MMEL1: variants seen among roughly 807,000 people sequenced by gnomAD.
MMEL1 encodes membrane metallo-endopeptidase-like 1.
MMEL1 carries 98 observed loss-of-function variants against 117.1 expected under a neutral mutation model. That is an observed-to-expected ratio of 0.84 (90% confidence interval 0.71 to 0.99). The LOEUF is 0.99. Ranked by LOEUF, MMEL1 falls within the 50% of genes least tolerant of loss-of-function variation. The probability of loss-of-function intolerance (pLI) is 0.00; values close to 1 mark genes in which losing one functional copy is unlikely to be tolerated. For synonymous variants in MMEL1, 390 were observed against 415.1 expected (o/e 0.94, Z 0.74); for missense variants, 1,014 against 1,049.1 (o/e 0.97, Z 0.46).
chr1:2,598,578 C>G, intron 12 of MMEL1, 76 bp downstream of exon 12: 1 of 1,592,150 alleles, frequency 6.3e-7, no homozygotes, highest in Non-Finnish European at 8.6e-7. Flanking sequence ...CTCCTGGGAG[C>G]AGAAGCTGTG....
intron 12 of MMEL1, 134 bp from the exon 13 acceptor site, chr1:2,598,434 A>G (rs1475263050): frequency 1.7e-6 from 2 of 1,173,224 alleles, no homozygotes; most frequent in African/African-American, 1.5e-5. Context: ...CTCCAGGACA[A>G]CCACCTCCAA....
rs769691317 is a variant in MMEL1 at position 2,612,222 on chromosome 1, G to A, written c.155-18C>T. ...CTGCTTCCCTGGGGAGAAACACAGC[G>A]CTCAGCTGCGGCCTCCTGCCTGCAG... On this transcript the variant is annotated intron_variant, in intron 2 of 23. Coordinates refer to ENST00000378412, the MANE Select transcript of MMEL1 (RefSeq NM_033467.4). The surrounding 1 kb of genome is among the most constrained non-coding windows in gnomAD (Gnocchi z 5.4). The A allele has an allele frequency of 2.6e-5, 40 of 1,557,626 alleles. No individual in the cohort carries two copies. The East Asian group carries it at 6.3e-4, about 24-fold the overall frequency.
chr1:2,615,581 A>C (rs1241476758), intron 2 of MMEL1, among the ~76,000 whole-genome samples: 1 of 152,194 alleles, frequency 6.6e-6, no homozygotes, highest in Non-Finnish European at 1.5e-5. Context: ...AAAACGGGGA[A>C]ATGTGAATTG....
intron 2 of MMEL1, among the ~76,000 whole-genome samples, chr1:2,614,490 G>C (rs1324239266): frequency 6.6e-6 from 1 of 152,240 alleles, no homozygotes; most frequent in Non-Finnish European, 1.5e-5. Context: ...TACAGACAAG[G>C]AAAGGAGGAA....
rs1464614337 is a variant in MMEL1, at chr1:2,612,631, C to T, written c.155-427G>A. On this transcript the variant is annotated intron_variant, in intron 2 of 23. Coordinates refer to ENST00000378412, the MANE Select transcript of MMEL1 (RefSeq NM_033467.4). The surrounding 1 kb of genome is among the most constrained non-coding windows in gnomAD (Gnocchi z 5.4). ...CACAGGGCAGGCTCATTTAGAGGGA[C>T]AGGGCCTTTTCAGAGAGGGTGGCTT... 6.6e-6 allele frequency among the ~76,000 whole-genome samples: 1 copy of T among 152,160 alleles called. No homozygotes were observed. The highest frequency in any genetic ancestry group is 1.5e-5 in the Non-Finnish European group (1 of 68,024).
In MMEL1 at chr1:2,595,177, G is replaced by A. The variant is rs1570650907; in HGVS notation, c.1584+99C>T. The A allele has an allele frequency of 6.4e-6, 7 of 1,100,756 alleles. No homozygotes were observed. The highest frequency in any genetic ancestry group is 2.4e-5 in the East Asian group (1 of 41,456). The allele number at this position is 1,100,756 out of a possible 1,614,324, so 68.2% of individuals were successfully genotyped here. ...GGTGAGGACAGCTGTGTTAGCGCCTGGGAGGAGGGCACAGAGCTTGGCACA... is the reference window on the plus strand; with the variant it reads ...GGTGAGGACAGCTGTGTTAGCGCCTAGGAGGAGGGCACAGAGCTTGGCACA... On this transcript the variant is annotated intron_variant, in intron 16 of 23. Transcript: ENST00000378412. The surrounding 1 kb of genome is among the most constrained non-coding windows in gnomAD (Gnocchi z 4.8).
rs369116437 is a variant in MMEL1, at chr1:2,596,645, A to G, written c.1317T>C (p.Cys439=). 5 of 1,613,068 alleles carry G rather than the reference A, an allele frequency of 3.1e-6. No homozygotes were observed. The highest frequency in any genetic ancestry group is 3.4e-6 in the Non-Finnish European group (4 of 1,179,852). ...TMVEEVRWRE[C]VGYVNSNMEN... is the part of the protein sequence containing the mutation. ...CCATGTTGCTGTTGACGTAGCCCAC[A>G]CATTCACGCCAGCGCACCTCCTCCA... Residue 439 remains cysteine, a synonymous_variant, in exon 14 of 24, where the codon TGT becomes TGC. Coordinates refer to ENST00000378412, the MANE Select transcript of MMEL1 (RefSeq NM_033467.4).
At chr1:2,601,920 C>T (rs1213047597) in intron 11 of MMEL1, among the ~76,000 whole-genome samples, 4 of 152,196 alleles carry the variant, frequency 2.6e-5, no homozygotes, top group Admixed American at 1.3e-4. Flanking sequence ...TGGCACCAGC[C>T]GCTGTTGGGG....
At chr1:2,608,700 C>T (rs1645071522) in intron 6 of MMEL1, among the ~76,000 whole-genome samples, 1 of 152,000 alleles carries the variant, frequency 6.6e-6, no homozygotes, top group South Asian at 2.1e-4. Flanking sequence ...CATGCATGTG[C>T]ACATAATACA....
Position 2,599,856 on chromosome 1 carries a change from CA to C in MMEL1, c.1042-1067del, listed in dbSNP as rs150372081. ...TGGGCAACAGAGCAAGACTTTGTCT[CA>C]AAAAAAAAAAAAAGATAAAAAGAAA... is the stretch of plus-strand genomic sequence containing the variant. On this transcript the variant is annotated intron_variant, in intron 11 of 23. Transcript: ENST00000378412. Among the ~76,000 whole-genome samples the C allele has an allele frequency of 1.4e-3, 180 of 126,484 alleles. 2 individuals carry two copies. The highest frequency in any genetic ancestry group is 0.013 in the South Asian group (50 of 3,782). 83.0% of individuals were successfully genotyped at this position (126,484 alleles called of 152,430 possible).
intron 2 of MMEL1, among the ~76,000 whole-genome samples, chr1:2,626,757 C>A (rs1638300941): frequency 6.6e-6 from 1 of 152,036 alleles, no homozygotes; most frequent in Non-Finnish European, 1.5e-5. Flanking sequence ...ACAAAAAAAT[C>A]TAAGATAACT....
intron 1 of MMEL1, chr1:2,630,315 AGT>A (rs933745227): frequency 6.7e-6 from 1 of 149,276 alleles, no homozygotes; most frequent in African/African-American, 2.6e-5. Flanking sequence ...TGTGCAAATG[AGT>A]GTGTGCATGT....
chr1:2,598,333 C>G, intron 12 of MMEL1, 33 bp from the exon 13 acceptor site: 1 of 1,602,050 alleles, frequency 6.2e-7, no homozygotes, highest in Non-Finnish European at 8.6e-7. Flanking sequence ...GAGGGGAGAA[C>G]AGGTGAGAGG....
At position 2,596,567 on chromosome 1, in the gene MMEL1, C is replaced by T. The variant is rs1161799297; in HGVS notation, c.1395G>A (p.Lys465=). 6.2e-7 allele frequency: 1 copy of T among 1,610,334 alleles called. No individual in the cohort carries two copies. Among genetic ancestry groups the T allele is most frequent in the East Asian group, 2.2e-5 (1 of 44,870 alleles). ...YVREAFPGDS[K]SMVRELIDKV... is the part of the protein sequence containing the mutation. Reference sequence around the variant, plus strand: ...ATGGATGAGGGGCGCCCACCATGCTCTTGCTGTCTCCAGGGAACGCCTCCC... The same window carrying T: ...ATGGATGAGGGGCGCCCACCATGCTTTTGCTGTCTCCAGGGAACGCCTCCC... The change falls in exon 14 of 24, where the codon AAG becomes AAA. Residue 465 remains lysine, a synonymous_variant. Transcript: ENST00000378412.
At chr1:2,603,573 C>T (rs1328076707) in intron 11 of MMEL1, among the ~76,000 whole-genome samples, 1 of 152,124 alleles carries the variant, frequency 6.6e-6, no homozygotes, top group Non-Finnish European at 1.5e-5. Context: ...CCCTGTACAC[C>T]CCCACACATC....
chr1:2,621,439 A>G (rs1024257911), intron 2 of MMEL1, among the ~76,000 whole-genome samples: 1 of 152,260 alleles, frequency 6.6e-6, no homozygotes, highest in East Asian at 1.9e-4. Context: ...TAACCCAGAC[A>G]TTCCCTTCTA....
chr1:2,606,684 C>T (rs1341811378), intron 7 of MMEL1, among the ~76,000 whole-genome samples: 4 of 152,086 alleles, frequency 2.6e-5, no homozygotes, highest in Non-Finnish European at 5.9e-5. Flanking sequence ...CAGGGCCTGG[C>T]CGGAGCCTGG....
intron 7 of MMEL1, 51 bp downstream of exon 7, chr1:2,606,917 CCCTGGT>C: frequency 2.0e-6 from 3 of 1,488,086 alleles, no homozygotes; most frequent in Non-Finnish European, 1.9e-6. Context: ...ACCGAAGGAG[CCCTGGT>C]CCTGGTCCTC....
In MMEL1 at chr1:2,604,131, GCCCC is replaced by G; in HGVS notation, c.951+12_951+15del. 2 of 1,044,534 alleles carry G rather than the reference GCCCC, an allele frequency of 1.9e-6. No homozygotes were observed. Among genetic ancestry groups the G allele is most frequent in the Non-Finnish European group, 2.7e-6 (2 of 728,396 alleles). 64.7% of individuals were successfully genotyped at this position (1,044,534 alleles called of 1,614,324 possible). A position where few individuals can be genotyped will look rare whatever the true frequency, so the allele number is the denominator to read the frequency against. ...CCCACTCGCTGCCCGCTCCCCACCCGCCCCGGCCCCCTTACCTTGGCCAGCTGTG... is the reference window on the plus strand; with the variant it reads ...CCCACTCGCTGCCCGCTCCCCACCCGGGCCCCCTTACCTTGGCCAGCTGTG... On this transcript the variant is annotated intron_variant, in intron 10 of 23. Transcript: ENST00000378412.
Sources: gnomAD v4.1 joint callset for allele counts (sites outside exome capture counted in the v4.1 genomes callset) on GRCh38, gnomAD v4.1.1 for gene constraint, Gnocchi (gnomAD v3.1) non-coding constraint, MANE v1.5 for transcripts, NCBI Gene and HGNC (gene_info 2026-07-23, HGNC 2026-07-21) for gene names.